The following RCAN1 variants were observed in gnomAD, a reference collection of about 807,000 sequenced individuals.
RCAN1 encodes the protein calcipressin-1.
A neutral mutation model predicts 22.9 loss-of-function variants in RCAN1; 11 were observed. The ratio of observed to expected loss-of-function variants is 0.48; its 90% CI spans 0.30 to 0.79. The LOEUF (loss-of-function observed/expected upper bound fraction) is 0.79, where lower values mean the gene tolerates loss of function less well. RCAN1 is among the 30% of genes least tolerant of loss of function. The probability of loss-of-function intolerance (pLI) is 0.06; values close to 1 mark genes in which losing one functional copy is unlikely to be tolerated. For synonymous variants in RCAN1, 136 were observed against 142.3 expected (o/e 0.96, Z 0.32); for missense variants, 291 against 337.8 (o/e 0.86, Z 1.09).
At chr21:34,587,437 C>CT (rs1223689243) in intron 1 of RCAN1, among the ~76,000 whole-genome samples, 4 of 152,004 alleles carry the variant, frequency 2.6e-5, no homozygotes, top group Non-Finnish European at 5.9e-5. Context: ...TTATTTTATG[C>CT]TTTTAGCATA....
At chr21:34,563,420 T>G (rs1986866938) in intron 1 of RCAN1, among the ~76,000 whole-genome samples, 2 of 152,086 alleles carry the variant, frequency 1.3e-5, no homozygotes, top group African/African-American at 4.8e-5. Context: ...TATAAAGATG[T>G]TTAAGTCTGC....
At chr21:34,598,019 C>T (rs1988221098) in intron 1 of RCAN1, among the ~76,000 whole-genome samples, 2 of 152,030 alleles carry the variant, frequency 1.3e-5, no homozygotes, top group Admixed American at 1.3e-4. Context: ...AACTTCCACC[C>T]TGTACTGAGT....
intron 1 of RCAN1, among the ~76,000 whole-genome samples, chr21:34,581,823 G>A (rs1378841594): frequency 1.3e-5 from 2 of 152,202 alleles, no homozygotes; most frequent in African/African-American, 4.8e-5. Flanking sequence ...GCTGAGAAGC[G>A]TGTCTCCCAC....
At chr21:34,564,818 A>G (rs1285378932) in intron 1 of RCAN1, among the ~76,000 whole-genome samples, 3 of 152,156 alleles carry the variant, frequency 2.0e-5, no homozygotes, top group Non-Finnish European at 4.4e-5. Flanking sequence ...GGGAGGGGCC[A>G]ACATGTCATG....
intron 1 of RCAN1, among the ~76,000 whole-genome samples, chr21:34,526,460 A>G (rs532589600): frequency 6.6e-6 from 1 of 152,292 alleles, no homozygotes. Context: ...GATGTTGTCA[A>G]ATATTGAGAT....
At position 34,517,099 on chromosome 21, in the gene RCAN1, G is replaced by A. The variant is rs1984093592; in HGVS notation, c.*985C>T. The A allele has an allele frequency of 6.6e-6, 1 of 152,278 alleles. No homozygotes were observed. Among genetic ancestry groups the A allele is most frequent in the East Asian group, 1.9e-4 (1 of 5,200 alleles). The allele number at this position is 152,278 out of a possible 1,614,324, so 9.4% of individuals were successfully genotyped here. Reference sequence around the variant, plus strand: ...CAACAGGTATGAATATATGCTATCAGCTTTATTTACAAGTGTATCTTGATG... The same window carrying A: ...CAACAGGTATGAATATATGCTATCAACTTTATTTACAAGTGTATCTTGATG... On this transcript the variant is annotated 3_prime_UTR_variant, in exon 4 of 4. Transcript: ENST00000313806.
At chr21:34,568,927 A>ACAAAAGGCGC (rs1190394376) in intron 1 of RCAN1, among the ~76,000 whole-genome samples, 1 of 152,208 alleles carries the variant, frequency 6.6e-6, no homozygotes, top group Non-Finnish European at 1.5e-5. Flanking sequence ...ATGGTGAGAG[A>ACAAAAGGCGC]CAAAAGGTGC....
intron 1 of RCAN1, among the ~76,000 whole-genome samples, chr21:34,540,452 C>T (rs757718829): frequency 1.3e-5 from 2 of 151,844 alleles, no homozygotes; most frequent in Non-Finnish European, 2.9e-5. Context: ...CATTCAACCA[C>T]CATTTGTTAA....
intron 1 of RCAN1, among the ~76,000 whole-genome samples, chr21:34,589,826 G>C (rs1392561672): frequency 6.6e-6 from 1 of 152,118 alleles, no homozygotes; most frequent in Non-Finnish European, 1.5e-5. Flanking sequence ...TCAGGCCTTT[G>C]GACTAGCCAG....
chr21:34,609,012 T>TA (rs1234832592), intron 1 of RCAN1, among the ~76,000 whole-genome samples: 3 of 152,072 alleles, frequency 2.0e-5, no homozygotes, highest in Non-Finnish European at 2.9e-5. Context: ...TGAAAATAAA[T>TA]AAAAAACCTA....
intron 1 of RCAN1, among the ~76,000 whole-genome samples, chr21:34,541,464 C>T (rs139998257): frequency 7.4e-4 from 113 of 152,338 alleles, no homozygotes; most frequent in African/African-American, 2.6e-3. Context: ...CATCCACTGT[C>T]ATGTGGCATC....
In RCAN1 at chr21:34,592,514, A is replaced by G. The variant is rs150782915; in HGVS notation, c.252+22246T>C. The stretch of plus-strand genomic sequence containing the variant: ...AAAGTCCCATTTTCCCAGCACTAGG[A>G]TTAGATGGCAAAGTAATATCATGGG... On this transcript the variant is annotated intron_variant, in intron 1 of 3. Transcript: ENST00000313806. 5.1e-4 allele frequency among the ~76,000 whole-genome samples: 78 copies of G among 152,296 alleles called. No individual in the cohort carries two copies. In the Middle Eastern group the frequency reaches 0.017, roughly 33 times the overall value.
chr21:34,542,960 C>T (rs1381022913), intron 1 of RCAN1, among the ~76,000 whole-genome samples: 1 of 152,194 alleles, frequency 6.6e-6, no homozygotes, highest in African/African-American at 2.4e-5. Flanking sequence ...CATTTCTTAG[C>T]TGTGTGACCT....
At chr21:34,579,543 T>C (rs571408442) in intron 1 of RCAN1, among the ~76,000 whole-genome samples, 2 of 152,344 alleles carry the variant, frequency 1.3e-5, no homozygotes, top group South Asian at 2.1e-4. Context: ...GACTAAATGA[T>C]TACTAAGCTG....
At chr21:34,530,616 GTTTTTTTTTTTTTT>G (rs59150851) in intron 1 of RCAN1, among the ~76,000 whole-genome samples, 8 of 66,196 alleles carry the variant, frequency 1.2e-4, no homozygotes, top group Non-Finnish European at 1.7e-4. Flanking sequence ...TAGTGAAATA[GTTTTTTTTTTTTTT>G]TTTTTTTTTT....
rs1988784389 is a variant in RCAN1, at chr21:34,615,019, C to T, written c.-8G>A. The stretch of plus-strand genomic sequence containing the variant: ...GGCCACGCCGTCCTCCATCCCCGCG[C>T]CCGCGCGACCCTGTGCGCCCCAGCG... On this transcript the variant is annotated 5_prime_UTR_variant, in exon 1 of 4. Transcript: ENST00000313806. The T allele has an allele frequency of 9.5e-7, 1 of 1,051,694 alleles. No individual in the cohort carries two copies. Among genetic ancestry groups the T allele is most frequent in the South Asian group, 4.4e-5 (1 of 22,848 alleles). The allele number at this position is 1,051,694 out of a possible 1,614,324, so 65.1% of individuals were successfully genotyped here.
At chr21:34,522,197 A>C (rs984694905) in intron 2 of RCAN1, 2 of 152,134 alleles carry the variant, frequency 1.3e-5, no homozygotes, top group Non-Finnish European at 2.9e-5. Flanking sequence ...AGAAAAAAAA[A>C]AAAAAGCCAC....
At chr21:34,561,721 T>A (rs1986795510) in intron 1 of RCAN1, among the ~76,000 whole-genome samples, 1 of 152,206 alleles carries the variant, frequency 6.6e-6, no homozygotes, top group African/African-American at 2.4e-5. Flanking sequence ...AAGCTAAACA[T>A]GAATCCATGC....
intron 1 of RCAN1, chr21:34,527,067 G>GCAAACCTCAGCT: frequency 2.5e-6 from 2 of 810,282 alleles, no homozygotes; most frequent in Non-Finnish European, 3.1e-6. Context: ...AAACAGCTGA[G>GCAAACCTCAGCT]GTTTGCTTCA....
Sources: allele counts gnomAD v4.1 joint callset (sites outside exome capture counted in the v4.1 genomes callset), GRCh38; gene constraint gnomAD v4.1.1; transcripts MANE v1.5; gene names NCBI Gene and HGNC (gene_info 2026-07-23, HGNC 2026-07-21).